Variants in BAG2 observed in about 807,000 individuals in gnomAD.
BAG2 encodes BAG family molecular chaperone regulator 2.
In BAG2, 8 loss-of-function variants were observed where a neutral mutation model predicts 16.4. The observed-to-expected ratio is 0.49, with a 90% CI of 0.29 to 0.88. The LOEUF (loss-of-function observed/expected upper bound fraction) is 0.88, where lower values mean the gene tolerates loss of function less well. BAG2 is among the 40% of genes least tolerant of loss of function. The pLI is 0.09. For synonymous variants in BAG2, 82 were observed against 89.2 expected (o/e 0.92, Z 0.46); for missense variants, 218 against 248.9 (o/e 0.88, Z 0.84).
At chr6:57,174,976 T>A (rs1764236792) in intron 1 of BAG2, among the ~76,000 whole-genome samples, 1 of 152,248 alleles carries the variant, frequency 6.6e-6, no homozygotes, top group South Asian at 2.1e-4. Flanking sequence ...ACCTGGAGTA[T>A]GAACTGATCT....
chr6:57,174,256 C>A, intron 1 of BAG2: 1 of 1,261,560 alleles, frequency 7.9e-7, no homozygotes, highest in Non-Finnish European at 1.0e-6. Context: ...ACGTTGAGGG[C>A]ATGTTCTCAA....
intron 1 of BAG2, chr6:57,173,611 A>C: frequency 2.7e-6 from 2 of 738,810 alleles, no homozygotes; most frequent in Non-Finnish European, 3.3e-6. Flanking sequence ...ATTTAATGTT[A>C]ATAGATTTTT....
Position 57,188,420 on chromosome 6 carries a change from G to GAGAT in BAG2, c.*4231_*4234dup, listed in dbSNP as rs1380006266. 4 of 152,122 alleles carry GAGAT rather than the reference G, an allele frequency of 2.6e-5. No individual in the cohort carries two copies. Among genetic ancestry groups the GAGAT allele is most frequent in the Admixed American group, 2.6e-4 (4 of 15,276 alleles). 9.4% of individuals were successfully genotyped at this position (152,122 alleles called of 1,614,324 possible). A position where few individuals can be genotyped will look rare whatever the true frequency, so the allele number is the denominator to read the frequency against. ...ATTACAGGAACTGTAACTATCCTCA[G>GAGAT]AGATTACTTTTTTTAAATATAGAAA... On this transcript the variant is annotated 3_prime_UTR_variant, in exon 3 of 3. Transcript: ENST00000370693.
intron 2 of BAG2, 99 bp downstream of exon 2, chr6:57,182,240 C>T: frequency 3.5e-6 from 3 of 861,496 alleles, no homozygotes; most frequent in South Asian, 3.4e-5. Context: ...GGTATGCGTA[C>T]ACCAGGCCAC....
intron 1 of BAG2, among the ~76,000 whole-genome samples, chr6:57,181,828 A>G (rs763785897): frequency 1.3e-5 from 2 of 152,228 alleles, no homozygotes; most frequent in Admixed American, 6.5e-5. Flanking sequence ...GATAAACACG[A>G]AAGAATGATT....
intron 1 of BAG2, among the ~76,000 whole-genome samples, chr6:57,179,194 T>C (rs1031792356): frequency 1.3e-5 from 2 of 152,206 alleles, no homozygotes; most frequent in Admixed American, 6.5e-5. Context: ...TTCTGAGAGA[T>C]TGCTAATGTA....
chr6:57,182,982 T>C (rs570347680), intron 2 of BAG2, among the ~76,000 whole-genome samples: 54 of 152,314 alleles, frequency 3.5e-4, no homozygotes, highest in African/African-American at 1.2e-3. Flanking sequence ...GAACATGAAA[T>C]AGGAATAGGT....
At chr6:57,180,563 AAAT>A (rs1764409614) in intron 1 of BAG2, among the ~76,000 whole-genome samples, 2 of 152,284 alleles carry the variant, frequency 1.3e-5, no homozygotes, top group African/African-American at 4.8e-5. Flanking sequence ...ATTGCTTGGT[AAAT>A]AATGTTGGGG....
intron 2 of BAG2, 36 bp from the exon 3 acceptor site, chr6:57,183,742 G>A (rs1764540033): frequency 6.8e-7 from 1 of 1,472,210 alleles, no homozygotes; most frequent in Non-Finnish European, 9.0e-7. Flanking sequence ...TAATGTTTTT[G>A]ACACAGATAA....
intron 1 of BAG2, among the ~76,000 whole-genome samples, chr6:57,175,886 G>T (rs1764271462): frequency 6.6e-6 from 1 of 152,200 alleles, no homozygotes; most frequent in East Asian, 1.9e-4. Flanking sequence ...CCAAAGAGGG[G>T]GACATGGGAA....
chr6:57,181,778 AAAT>A (rs1764457126), intron 1 of BAG2, among the ~76,000 whole-genome samples: 1 of 152,218 alleles, frequency 6.6e-6, no homozygotes, highest in Non-Finnish European at 1.5e-5. Flanking sequence ...CAAAATATAC[AAAT>A]AATACAGATC....
At chr6:57,181,030 A>T (rs1400747440) in intron 1 of BAG2, among the ~76,000 whole-genome samples, 1 of 152,274 alleles carries the variant, frequency 6.6e-6, no homozygotes, top group South Asian at 2.1e-4. Context: ...TAACACTGAC[A>T]TATCAGTGTA....
chr6:57,187,856 C>CTTTA lies in BAG2; in HGVS notation c.*3670_*3673dup, dbSNP rs1764667414. On this transcript the variant is annotated 3_prime_UTR_variant, in exon 3 of 3. Coordinates refer to ENST00000370693, the MANE Select transcript of BAG2 (RefSeq NM_004282.4). Reference sequence around the variant, plus strand: ...TTCATCCTCTTTTTGGTAGTTTTAGCTTTATTTTGAAAAAGTAACGTGTGC... The same window carrying CTTTA: ...TTCATCCTCTTTTTGGTAGTTTTAGCTTTATTTATTTTGAAAAAGTAACGTGTGC... The CTTTA allele has an allele frequency of 6.6e-6, 1 of 151,854 alleles. No individual in the cohort carries two copies. The highest frequency in any genetic ancestry group is 2.4e-5 in the African/African-American group (1 of 41,318). 9.4% of individuals were successfully genotyped at this position (151,854 alleles called of 1,614,324 possible).
intron 1 of BAG2, among the ~76,000 whole-genome samples, chr6:57,179,682 C>T (rs909401567): frequency 2.6e-5 from 4 of 152,120 alleles, no homozygotes; most frequent in African/African-American, 4.8e-5. Flanking sequence ...ATAATAACAA[C>T]GTTCCCTGGA....
At position 57,172,696 on chromosome 6, in the gene BAG2, A is replaced by G. The variant is rs765711654; in HGVS notation, c.-2A>G. ...CTTGGCTACCCCGCGTCGGAGGCTTAGATGGCTCAGGCGAAGATCAACGCT... is the reference window on the plus strand; with the variant it reads ...CTTGGCTACCCCGCGTCGGAGGCTTGGATGGCTCAGGCGAAGATCAACGCT... On this transcript the variant is annotated 5_prime_UTR_variant, in exon 1 of 3. Transcript: ENST00000370693. The G allele has an allele frequency of 3.2e-6, 5 of 1,555,608 alleles. No individual in the cohort carries two copies. Among genetic ancestry groups the G allele is most frequent in the Non-Finnish European group, 8.7e-7 (1 of 1,153,196 alleles).
chr6:57,180,477 C>A (rs903645294), intron 1 of BAG2, among the ~76,000 whole-genome samples: 6 of 150,376 alleles, frequency 4.0e-5, no homozygotes, highest in Non-Finnish European at 8.9e-5. Context: ...GGTATAAGAA[C>A]AGTTAAATAC....
At chr6:57,173,388 G>T in intron 1 of BAG2, 2 of 985,396 alleles carry the variant, frequency 2.0e-6, no homozygotes, top group Non-Finnish European at 1.2e-6. Context: ...GGTGCTTCGT[G>T]CAGCAGAGAC....
chr6:57,176,394 T>C (rs1764287285), intron 1 of BAG2, among the ~76,000 whole-genome samples: 3 of 152,136 alleles, frequency 2.0e-5, no homozygotes, highest in Admixed American at 2.0e-4. Context: ...TATGGATGAA[T>C]AGATGAGCTT....
chr6:57,183,785 A>G lies in BAG2; in HGVS notation c.231A>G (p.Arg77=), dbSNP rs1369429020. ...TCTCATATTGATTTTTAGGAGAAAG[A>G]GAAGAATTAAATCTGACTGCAAACC... ...QDMRQISDGE[R]EELNLTANRL... Residue 77 remains arginine, a synonymous_variant, in exon 3 of 3, where the codon AGA becomes AGG. Transcript: ENST00000370693. The G allele has an allele frequency of 3.8e-6, 6 of 1,561,632 alleles. No individual in the cohort carries two copies. The South Asian group carries it at 7.3e-5, about 19-fold the overall frequency.
Sources: allele counts gnomAD v4.1 joint callset (sites outside exome capture counted in the v4.1 genomes callset), GRCh38; gene constraint gnomAD v4.1.1; transcripts MANE v1.5; gene names NCBI Gene and HGNC (gene_info 2026-07-23, HGNC 2026-07-21).